The following CLDN16 variants were observed in gnomAD, a reference collection of about 807,000 sequenced individuals.
CLDN16 encodes the protein claudin-16.
A neutral mutation model predicts 24.6 loss-of-function variants in CLDN16; 13 were observed. The observed-to-expected ratio is 0.53, with a 90% CI of 0.34 to 0.84. The LOEUF (loss-of-function observed/expected upper bound fraction) is 0.84. CLDN16 is among the 40% of genes least tolerant of loss of function. The probability of loss-of-function intolerance (pLI) is 0.01; values close to 1 mark genes in which losing one functional copy is unlikely to be tolerated. For synonymous variants in CLDN16, 116 were observed against 106.7 expected (o/e 1.09, Z -0.54); for missense variants, 298 against 292.7 (o/e 1.02, Z -0.13).
intron 1 of CLDN16, among the ~76,000 whole-genome samples, chr3:190,400,067 C>T (rs568489094): frequency 2.0e-5 from 3 of 152,222 alleles, no homozygotes; most frequent in East Asian, 3.9e-4. Context: ...TTGTCTTGCA[C>T]GAAACCGGTC....
In CLDN16 at chr3:190,408,580, A is replaced by G. The variant is rs1719167271; in HGVS notation, c.574+75A>G. 3.7e-6 allele frequency: 5 copies of G among 1,362,994 alleles called. No individual in the cohort carries two copies. In the East Asian group the frequency reaches 9.5e-5, roughly 26 times the overall value. The allele number at this position is 1,362,994 out of a possible 1,614,324, so 84.4% of individuals were successfully genotyped here. ...CCCAATCCAGTGGAAACAAATTTCA[A>G]AAGGAAAAAAATGTTATTTATTTGA... On this transcript the variant is annotated intron_variant, in intron 4 of 4. Transcript: ENST00000264734.
chr3:190,359,639 C>T (rs73889974), intron 1 of CLDN16, among the ~76,000 whole-genome samples: 2 of 152,076 alleles, frequency 1.3e-5, no homozygotes, highest in African/African-American at 4.8e-5. Flanking sequence ...TCCTTACAGT[C>T]CAATGGTTGA....
intron 3 of CLDN16, among the ~76,000 whole-genome samples, chr3:190,406,881 A>G (rs1191417387): frequency 2.6e-5 from 4 of 151,560 alleles, no homozygotes; most frequent in African/African-American, 9.7e-5. Flanking sequence ...AGCTGGGACT[A>G]CAGGCGCCCA....
At chr3:190,322,615 C>T (rs1716962829) in exon 1 of CLDN16, 1 of 280,232 alleles carries the variant, frequency 3.6e-6, no homozygotes, top group Non-Finnish European at 6.8e-6. Context: ...GACCAGGCAC[C>T]AGAGCTGCGT....
At chr3:190,304,721 A>C in the CLDN16 span, among the ~76,000 whole-genome samples, 2 of 152,244 alleles carry the variant, frequency 1.3e-5, no homozygotes, top group African/African-American at 4.8e-5. Context: ...AAGGAAATTC[A>C]GAGACATTAC....
chr3:190,367,737 T>C (rs1292905202), intron 1 of CLDN16, among the ~76,000 whole-genome samples: 3 of 151,990 alleles, frequency 2.0e-5, no homozygotes, highest in Admixed American at 6.6e-5. Flanking sequence ...ATTAGTAGAA[T>C]ATGTTTTATG....
chr3:190,351,510 G>A (rs774623287), intron 1 of CLDN16, among the ~76,000 whole-genome samples: 4 of 151,962 alleles, frequency 2.6e-5, no homozygotes, highest in Non-Finnish European at 5.9e-5. Context: ...CTAGTCCATA[G>A]GATTGTAGTA....
intron 1 of CLDN16, among the ~76,000 whole-genome samples, 195 bp downstream of exon 1, chr3:190,388,638 T>C (rs998209284): frequency 6.6e-6 from 1 of 152,214 alleles, no homozygotes; most frequent in African/African-American, 2.4e-5. Context: ...GGTCTTGTTA[T>C]CCCATTAAAC....
the CLDN16 span, among the ~76,000 whole-genome samples, chr3:190,291,589 G>A: frequency 3.9e-5 from 6 of 152,014 alleles, no homozygotes; most frequent in South Asian, 2.1e-4. Flanking sequence ...ATGTATTTGG[G>A]TAGAAACACA....
At chr3:190,375,636 G>T (rs534318092) in intron 3 of CLDN16, among the ~76,000 whole-genome samples, 13 of 151,994 alleles carry the variant, frequency 8.6e-5, no homozygotes, top group African/African-American at 2.9e-4. Flanking sequence ...TAATGCATTT[G>T]CTTGTTCTTC....
rs552929650 is a variant in CLDN16 at position 190,353,752 on chromosome 3, G to C, written n.122-17141G>C. 8.2e-4 allele frequency among the ~76,000 whole-genome samples: 125 copies of C among 152,156 alleles called. 1 individual carries two copies. Among genetic ancestry groups the C allele is most frequent in the South Asian group, 4.6e-3 (22 of 4,820 alleles). ...ATTGATAAGTTGCTGACAAAGAGCT[G>C]GTTCTAGTAGTAAAAGTGACAGCCC... is the stretch of plus-strand genomic sequence containing the variant. On this transcript the variant is annotated intron_variant and non_coding_transcript_variant, in intron 1 of 4. Transcript: ENST00000468220.
rs1243512298 is a variant in CLDN16, at chr3:190,410,155, C to T, written c.*119C>T. On this transcript the variant is annotated 3_prime_UTR_variant, in exon 5 of 5. Transcript: ENST00000264734. ...AATTCATATTGAATTAAATTAATTG[C>T]TAGCTTAATCAAAATGTTTGATTCT... 4 of 1,160,330 alleles carry T rather than the reference C, an allele frequency of 3.4e-6. No individual in the cohort carries two copies. The African/African-American group carries it at 4.6e-5, about 13-fold the overall frequency. 71.9% of individuals were successfully genotyped at this position (1,160,330 alleles called of 1,614,324 possible). A position where few individuals can be genotyped will look rare whatever the true frequency, so the allele number is the denominator to read the frequency against.
the CLDN16 span, among the ~76,000 whole-genome samples, chr3:190,311,321 C>T: frequency 5.3e-5 from 8 of 152,162 alleles, no homozygotes; most frequent in Non-Finnish European, 8.8e-5. Context: ...GATTACTATT[C>T]GCAGCCTTTG....
At chr3:190,406,805 G>A (rs1719114731) in intron 3 of CLDN16, among the ~76,000 whole-genome samples, 1 of 143,556 alleles carries the variant, frequency 7.0e-6, no homozygotes, top group South Asian at 2.2e-4. Flanking sequence ...GCAGTGGCGT[G>A]ATCTCGGCTC....
intron 1 of CLDN16, among the ~76,000 whole-genome samples, chr3:190,366,138 T>C (rs1460896426): frequency 2.0e-5 from 3 of 151,974 alleles, no homozygotes; most frequent in African/African-American, 7.2e-5. Flanking sequence ...TCCCTGCAGC[T>C]GTGGGAAATG....
chr3:190,344,892 T>G (rs533462544), intron 1 of CLDN16, among the ~76,000 whole-genome samples: 3 of 152,244 alleles, frequency 2.0e-5, no homozygotes, highest in African/African-American at 7.2e-5. Flanking sequence ...TAGCTGTATT[T>G]TCACACAGAT....
intron 2 of CLDN16, chr3:190,371,139 A>G (rs978647462): frequency 3.3e-5 from 5 of 149,302 alleles, no homozygotes; most frequent in African/African-American, 1.2e-4. Context: ...CTGTACCTCT[A>G]TGGACTATCC....
chr3:190,333,232 A>G (rs1717220553), intron 1 of CLDN16, among the ~76,000 whole-genome samples: 1 of 152,152 alleles, frequency 6.6e-6, no homozygotes, highest in Non-Finnish European at 1.5e-5. Context: ...TCTATTTTAA[A>G]TGAAATAGAC....
intron 1 of CLDN16, among the ~76,000 whole-genome samples, chr3:190,365,036 C>A (rs1488909811): frequency 1.3e-5 from 2 of 151,730 alleles, no homozygotes. Context: ...GCTCTCAGCC[C>A]CCTGTTTATC....
Sources: allele counts gnomAD v4.1 joint callset (sites outside exome capture counted in the v4.1 genomes callset), GRCh38; gene constraint gnomAD v4.1.1; transcripts MANE v1.5; gene names NCBI Gene and HGNC (gene_info 2026-07-23, HGNC 2026-07-21).